Variants in ARHGAP6 observed in about 807,000 individuals in gnomAD.
ARHGAP6 encodes the protein rho GTPase-activating protein 6.
Under a neutral mutation model 55.7 loss-of-function variants are expected in ARHGAP6, and 16 were observed. The ratio of observed to expected loss-of-function variants is 0.29; its 90% CI spans 0.19 to 0.44. The LOEUF is 0.44. ARHGAP6 is among the 20% of genes least tolerant of loss of function. The pLI is 1.00. For missense variants in ARHGAP6, 698 were observed against 808.9 expected (o/e 0.86, Z 1.66); for synonymous variants, 382 against 360.9 (o/e 1.06, Z -0.66).
intron 1 of ARHGAP6, among the ~76,000 whole-genome samples, chrX:11,506,725 C>CA (rs1309176023): frequency 7.2e-5 from 8 of 111,462 alleles, no homozygotes; most frequent in African/African-American, 9.8e-5. Flanking sequence ...TTTATAGCAG[C>CA]ATGATTTATA....
intron 2 of ARHGAP6, among the ~76,000 whole-genome samples, chrX:11,214,530 C>T (rs1244031824): frequency 8.9e-6 from 1 of 112,612 alleles, no homozygotes; most frequent in African/African-American, 3.2e-5. Context: ...GGCCTCCATT[C>T]CTTAGGGCAG....
chrX:11,299,078 A>AACTACTACAACT, intron 1 of ARHGAP6: 1 of 965,097 alleles, frequency 1.0e-6, no homozygotes, highest in Non-Finnish European at 1.5e-6. Context: ...CTAGAGTTGT[A>AACTACTACAACT]GTAGTTACAG....
chrX:11,629,590 A>C (rs530339355), intron 1 of ARHGAP6, among the ~76,000 whole-genome samples: 1 of 110,484 alleles, frequency 9.1e-6, no homozygotes, highest in Middle Eastern at 4.6e-3. Flanking sequence ...ATCCTTAATA[A>C]AAATTTACTA....
chrX:11,356,533 G>T (rs751835652), intron 1 of ARHGAP6, among the ~76,000 whole-genome samples: 1 of 112,204 alleles, frequency 8.9e-6, no homozygotes, highest in South Asian at 3.7e-4. Context: ...CTAAGTTGAA[G>T]TACTTTGACA....
rs775570717 is a variant in ARHGAP6 at position 11,604,407 on chromosome X, G to C, written c.588+59834C>G. 6.3e-5 allele frequency among the ~76,000 whole-genome samples: 7 copies of C among 111,814 alleles called. No homozygotes were observed. The East Asian group carries it at 1.7e-3, about 27-fold the overall frequency. ...TTTAGTCACTGAGTTTATCAACAGT[G>C]GGAAACTGCCACATAGTGGCTCAAG... On this transcript the variant is annotated intron_variant, in intron 1 of 12. Transcript: ENST00000337414.
At chrX:11,618,451 T>A (rs1289395015) in intron 1 of ARHGAP6, among the ~76,000 whole-genome samples, 1 of 112,152 alleles carries the variant, frequency 8.9e-6, no homozygotes, top group Non-Finnish European at 1.9e-5. Flanking sequence ...TAAGTAGAAA[T>A]CTATATGACT....
At chrX:11,626,103 A>G (rs1465699280) in intron 1 of ARHGAP6, among the ~76,000 whole-genome samples, 1 of 112,108 alleles carries the variant, frequency 8.9e-6, no homozygotes, top group African/African-American at 3.2e-5. Context: ...TGTAAGTCAG[A>G]TATGCCAAAA....
chrX:11,190,445 T>C lies in ARHGAP6; in HGVS notation c.821-1461A>G, dbSNP rs756784280. Among the ~76,000 whole-genome samples the C allele has an allele frequency of 4.2e-3, 270 of 64,845 alleles. 1 individual carries two copies. Among genetic ancestry groups the C allele is most frequent in the Non-Finnish European group, 7.1e-3 (232 of 32,777 alleles). The allele number at this position is 64,845 out of a possible 115,157, so 56.3% of individuals were successfully genotyped here. ...AAGGGGATAGTACCAGACCTCCTGT[T>C]ATGTACCCTGAGGAGATATATATAT... On this transcript the variant is annotated intron_variant, in intron 3 of 12. Coordinates refer to ENST00000337414, the MANE Select transcript of ARHGAP6 (RefSeq NM_013427.3).
At chrX:11,472,507 A>G (rs2050357942) in intron 1 of ARHGAP6, among the ~76,000 whole-genome samples, 2 of 111,403 alleles carry the variant, frequency 1.8e-5, no homozygotes, top group African/African-American at 6.5e-5. Flanking sequence ...AGCGGGTGAA[A>G]AGTTCCTGAG....
At chrX:11,421,547 T>C (rs1048464876) in intron 1 of ARHGAP6, among the ~76,000 whole-genome samples, 14 of 112,257 alleles carry the variant, frequency 1.2e-4, no homozygotes, top group Non-Finnish European at 5.6e-5. Flanking sequence ...AGTATTCCTA[T>C]ACCTTTTGTA....
At chrX:11,298,179 C>T (rs1481254494) in intron 1 of ARHGAP6, 1 of 1,207,851 alleles carries the variant, frequency 8.3e-7, no homozygotes, top group East Asian at 3.0e-5. Context: ...CAGTGAGTTT[C>T]TATATTGGAT....
intron 1 of ARHGAP6, among the ~76,000 whole-genome samples, chrX:11,433,039 C>T (rs1000474444): frequency 8.9e-5 from 10 of 112,565 alleles, no homozygotes; most frequent in Non-Finnish European, 1.9e-4. Context: ...TGAAGGTTCT[C>T]ATTCCTTTTT....
intron 1 of ARHGAP6, among the ~76,000 whole-genome samples, chrX:11,387,444 A>G (rs1334860868): frequency 8.9e-6 from 1 of 112,024 alleles, no homozygotes; most frequent in Non-Finnish European, 1.9e-5. Flanking sequence ...TTGCACCTGA[A>G]GCACTCCAAT....
At chrX:11,618,105 A>T (rs980880420) in intron 1 of ARHGAP6, among the ~76,000 whole-genome samples, 102 of 111,722 alleles carry the variant, frequency 9.1e-4, no homozygotes, top group African/African-American at 3.0e-3. Context: ...CTGGCTTTGA[A>T]AATGGAGGAA....
chrX:11,310,221 A>AT (rs1428411280), intron 1 of ARHGAP6, among the ~76,000 whole-genome samples: 1 of 108,424 alleles, frequency 9.2e-6, no homozygotes, highest in African/African-American at 3.4e-5. Context: ...AAAAAAAAAA[A>AT]AAAACTGTTG....
At position 11,592,367 on chromosome X, in the gene ARHGAP6, T is replaced by C. The variant is rs1230484723; in HGVS notation, c.588+71874A>G. On this transcript the variant is annotated intron_variant, in intron 1 of 12. Transcript: ENST00000337414. Reference sequence around the variant, plus strand: ...GTTCTTTGTGTGCCACAGCCTAAGGTTGATCCTTCAAGAAAGAGATACAAG... The same window carrying C: ...GTTCTTTGTGTGCCACAGCCTAAGGCTGATCCTTCAAGAAAGAGATACAAG... Among the ~76,000 whole-genome samples, 5 of 111,803 alleles carry C rather than the reference T, an allele frequency of 4.5e-5. No homozygotes were observed. In the South Asian group the frequency reaches 1.5e-3, roughly 34 times the overall value.
intron 1 of ARHGAP6, among the ~76,000 whole-genome samples, chrX:11,600,114 T>C (rs972677507): frequency 5.4e-5 from 6 of 111,702 alleles, no homozygotes; most frequent in Non-Finnish European, 9.4e-5. Context: ...CAAGATACCA[T>C]GCACTACTCT....
intron 8 of ARHGAP6, among the ~76,000 whole-genome samples, chrX:11,175,693 A>T (rs1174880531): frequency 2.7e-5 from 3 of 111,330 alleles, no homozygotes; most frequent in Non-Finnish European, 5.7e-5. Context: ...TTTGGTTGTC[A>T]CAACTTGGTG....
rs148333183 is a variant in ARHGAP6 at position 11,153,298 on chromosome X, G to A, written c.1907+3231C>T. On this transcript the variant is annotated intron_variant, in intron 10 of 12. Coordinates refer to ENST00000337414, the MANE Select transcript of ARHGAP6 (RefSeq NM_013427.3). Reference sequence around the variant, plus strand: ...ACCACCTACTTTGGGAGGCTGAGGCGGATGGATCACAAGGTCAGGAGTTCG... The same window carrying A: ...ACCACCTACTTTGGGAGGCTGAGGCAGATGGATCACAAGGTCAGGAGTTCG... 1.9e-4 allele frequency among the ~76,000 whole-genome samples: 21 copies of A among 109,820 alleles called. No homozygotes were observed. In the East Asian group the frequency reaches 2.3e-3, roughly 12 times the overall value.
Sources: gnomAD v4.1 joint callset for allele counts (sites outside exome capture counted in the v4.1 genomes callset) on GRCh38, gnomAD v4.1.1 for gene constraint, MANE v1.5 for transcripts, NCBI Gene and HGNC (gene_info 2026-07-23, HGNC 2026-07-21) for gene names.